The following MCAT variants were observed in gnomAD, a reference collection of about 807,000 sequenced individuals.
MCAT encodes malonyl-CoA-acyl carrier protein transacylase, mitochondrial.
Under a neutral mutation model 22.9 loss-of-function variants are expected in MCAT, and 22 were observed. The ratio of observed to expected loss-of-function variants is 0.96; its 90% confidence interval spans 0.69 to 1.37. The LOEUF is 1.37. Among genes scored for constraint, MCAT ranks in the 40% most tolerant of loss-of-function variants. The probability of loss-of-function intolerance (pLI) is 0.00; values close to 1 mark genes in which losing one functional copy is unlikely to be tolerated. For synonymous variants in MCAT, 240 were observed against 233.9 expected, an observed-to-expected ratio of 1.03 and a Z score of -0.24; for missense variants, 534 against 533.6, an observed-to-expected ratio of 1.00 and a Z score of -0.01.
At position 43,133,497 on chromosome 22, in the gene MCAT, AAGG is replaced by A. The variant is rs759799688; in HGVS notation, c.730-14_730-12del. On this transcript the variant is annotated splice_polypyrimidine_tract_variant and intron_variant, in intron 3 of 3. Transcript: ENST00000290429. ...GAGAAACCGTAGAGCCTGGGGAAGG[AAGG>A]AGGTTTCAGCCGAGCAATGTCCCAG... 2.3e-5 allele frequency: 36 copies of A among 1,595,374 alleles called. No individual in the cohort carries two copies. The highest frequency in any genetic ancestry group is 1.6e-4 in the East Asian group (7 of 44,520).
At chr22:43,142,664 T>G (rs1468815105) in intron 1 of MCAT, among the ~76,000 whole-genome samples, 1 of 150,970 alleles carries the variant, frequency 6.6e-6, no homozygotes, top group Non-Finnish European at 1.5e-5. Flanking sequence ...CGGGCGCCTG[T>G]AGTCCCAGCT....
At chr22:43,140,870 G>A (rs1219648959) in intron 2 of MCAT, 3 of 372,286 alleles carry the variant, frequency 8.1e-6, no homozygotes, top group Non-Finnish European at 1.5e-5. Context: ...AATATCTACT[G>A]AACACATACT....
At chr22:43,139,580 C>CT (rs55787888) in intron 2 of MCAT, among the ~76,000 whole-genome samples, 122,624 of 142,298 alleles carry the variant, frequency 0.86, 52,930 homozygotes, top group East Asian at 0.99. Context: ...TAATTCTGCA[C>CT]TTTTTTTTTT....
At chr22:43,133,518 T>C (rs1432463420) in intron 3 of MCAT, 32 bp from the exon 4 acceptor site, 5 of 1,542,416 alleles carry the variant, frequency 3.2e-6, no homozygotes, top group Non-Finnish European at 4.4e-6. Context: ...AGCCGAGCAA[T>C]GTCCCAGAAA....
chr22:43,133,413 GC>G lies in MCAT; in HGVS notation c.802del (p.Ala268HisfsTer14), dbSNP rs1930514068. On this transcript the variant is annotated frameshift_variant, in exon 4 of 4. Coordinates refer to ENST00000290429, the MANE Select transcript of MCAT (RefSeq NM_173467.5). LOFTEE classifies it low-confidence loss of function (END_TRUNC). ...RRTRMLPVSG[A>X]FHTRLMEPAV... ...TGGCTCCATGAGGCGGGTGTGGAAT[GC>G]GCCACTAACCGGCAACATCCTGGTG... 1 of 1,614,046 alleles carries G rather than the reference GC, an allele frequency of 6.2e-7. No individual in the cohort carries two copies. Among genetic ancestry groups the G allele is most frequent in the Admixed American group, 1.7e-5 (1 of 59,990 alleles).
At chr22:43,138,893 G>A (rs1270949301) in intron 2 of MCAT, among the ~76,000 whole-genome samples, 1 of 152,196 alleles carries the variant, frequency 6.6e-6, no homozygotes, top group Non-Finnish European at 1.5e-5. Context: ...GGTCTAAGGA[G>A]CAAATCCTGA....
rs139106285 is a variant in MCAT, at chr22:43,133,103, G to A, written c.1113C>T (p.Ala371=). The A allele has an allele frequency of 1.1e-4, 174 of 1,614,046 alleles. No homozygotes were observed. Among genetic ancestry groups the A allele is most frequent in the East Asian group, 2.7e-4 (12 of 44,882 alleles). ...CNMQAWKSYS[A]VDVLQTLEHV... is the part of the protein sequence containing the mutation. The stretch of plus-strand genomic sequence containing the variant: ...GTTCGAGGGTCTGCAGCACATCCAC[G>A]GCGCTGTAGGACTTCCAGGCCTGCA... Residue 371 remains alanine, a synonymous_variant, in exon 4 of 4, where the codon GCC becomes GCT. Coordinates refer to ENST00000290429, the MANE Select transcript of MCAT (RefSeq NM_173467.5).
rs199869131 is a variant in MCAT, at chr22:43,133,132, T to C, written c.1084A>G (p.Asn362Asp). 1.7e-4 allele frequency: 272 copies of C among 1,614,178 alleles called. No homozygotes were observed. Among genetic ancestry groups the C allele is most frequent in the Non-Finnish European group, 3.1e-5 (37 of 1,180,038 alleles). ...RQLGAILKSC[N>D]MQAWKSYSAV... Reference sequence around the variant, plus strand: ...CTGTAGGACTTCCAGGCCTGCATGTTACAGCTCTTCAGGATGGCTCCCAGC... The same window carrying C: ...CTGTAGGACTTCCAGGCCTGCATGTCACAGCTCTTCAGGATGGCTCCCAGC... The change falls in exon 4 of 4, where the codon AAC becomes GAC. Residue 362 changes from asparagine to aspartate, a missense_variant. By Grantham distance (23) the Asn-to-Asp change is conservative. Coordinates refer to ENST00000290429, the MANE Select transcript of MCAT (RefSeq NM_173467.5).
rs1329345867 is a variant in MCAT at position 43,136,564 on chromosome 22, G to A, written c.729+517C>T. Among the ~76,000 whole-genome samples, 4 of 152,160 alleles carry A rather than the reference G, an allele frequency of 2.6e-5. No homozygotes were observed. The South Asian group carries it at 8.3e-4, about 32-fold the overall frequency. On this transcript the variant is annotated intron_variant, in intron 3 of 3. Transcript: ENST00000290429. ...CCTCGGCCTGGAGTCATCCATTCACGGGGCTCTTCCTTTGACGGCAGGAAC... is the reference window on the plus strand; with the variant it reads ...CCTCGGCCTGGAGTCATCCATTCACAGGGCTCTTCCTTTGACGGCAGGAAC...
chr22:43,140,964 A>G (rs1229871382), intron 2 of MCAT, 198 bp downstream of exon 2: 3 of 585,218 alleles, frequency 5.1e-6, no homozygotes, highest in Admixed American at 2.9e-5. Context: ...GATTACAAAA[A>G]TAAGGGAAAT....
In MCAT at chr22:43,132,954, A is replaced by C; in HGVS notation, c.*89T>G. On this transcript the variant is annotated 3_prime_UTR_variant, in exon 4 of 4. Transcript: ENST00000290429. ...AATCCCTTTCACTCCTCAGAGGAGGAGCCATTAGGAAGGTAGGGGGCGACA... is the reference window on the plus strand; with the variant it reads ...AATCCCTTTCACTCCTCAGAGGAGGCGCCATTAGGAAGGTAGGGGGCGACA... 8.2e-7 allele frequency: 1 copy of C among 1,215,460 alleles called. No individual in the cohort carries two copies. The highest frequency in any genetic ancestry group is 2.3e-5 in the East Asian group (1 of 42,676). 75.3% of individuals were successfully genotyped at this position (1,215,460 alleles called of 1,614,324 possible).
intron 1 of MCAT, among the ~76,000 whole-genome samples, chr22:43,141,760 C>T (rs920389278): frequency 1.3e-5 from 2 of 152,058 alleles, no homozygotes; most frequent in African/African-American, 2.4e-5. Context: ...TTAGTAGAGA[C>T]GGGGTTTCAC....
chr22:43,134,525 A>C (rs1398391864), intron 3 of MCAT, among the ~76,000 whole-genome samples: 3 of 152,268 alleles, frequency 2.0e-5, no homozygotes, highest in African/African-American at 7.2e-5. Context: ...GTTTTAGTAG[A>C]GATGGGGTTT....
Position 43,133,365 on chromosome 22 carries a change from G to A in MCAT, c.851C>T (p.Ala284Val). 3 of 1,614,208 alleles carry A rather than the reference G, an allele frequency of 1.9e-6. No homozygotes were observed. The highest frequency in any genetic ancestry group is 2.5e-6 in the Non-Finnish European group (3 of 1,180,046). ...CTTCTTAATGTCGACTGCCTTTAAA[G>A]CTTGCGTCAGGGGCTCCACGGCTGG... Reference protein sequence around the residue: ...MEPAVEPLTQALKAVDIKKPL... With the variant: ...MEPAVEPLTQVLKAVDIKKPL... Residue 284 changes from alanine (A) to valine (V), a missense_variant, in exon 4 of 4, where the codon GCT (alanine) becomes GTT (valine). Transcript: ENST00000290429.
Position 43,133,395 on chromosome 22 carries a change from A to C in MCAT, c.821T>G (p.Met274Arg), listed in dbSNP as rs1569470818. 1 of 1,614,154 alleles carries C rather than the reference A, an allele frequency of 6.2e-7. No homozygotes were observed. Among genetic ancestry groups the C allele is most frequent in the Non-Finnish European group, 8.5e-7 (1 of 1,180,020 alleles). The change falls in exon 4 of 4, where the codon ATG becomes AGG. Residue 274 changes from methionine (M) to arginine (R), a missense_variant. Met to Arg is a moderately conservative substitution (Grantham distance 91). Transcript: ENST00000290429. ...PVSGAFHTRL[M>R]EPAVEPLTQA... ...CGTCAGGGGCTCCACGGCTGGCTCC[A>C]TGAGGCGGGTGTGGAATGCGCCACT...
Position 43,141,212 on chromosome 22 carries a change from A to ACACTGAATC in MCAT, c.452_460dup (p.Gly151_Ser153dup), listed in dbSNP as rs754596811. 4 of 1,614,120 alleles carry ACACTGAATC rather than the reference A, an allele frequency of 2.5e-6. No homozygotes were observed. In the Admixed American group the frequency reaches 6.7e-5, roughly 27 times the overall value. ...AAACACTAGGGCTGCAAACTCTCCC[A>ACACTGAATC]CACTGAATCCAGCAGCAGCAACACA... On this transcript the variant is annotated inframe_insertion, in exon 2 of 4. Coordinates refer to ENST00000290429, the MANE Select transcript of MCAT (RefSeq NM_173467.5).
intron 1 of MCAT, 58 bp from the exon 2 acceptor site, chr22:43,141,307 G>C: frequency 6.9e-7 from 1 of 1,445,532 alleles, no homozygotes; most frequent in African/African-American, 1.4e-5. Flanking sequence ...CAGTTCCAGG[G>C]CTCTGTACCT....
At chr22:43,135,610 C>T (rs1930586552) in intron 3 of MCAT, among the ~76,000 whole-genome samples, 1 of 151,894 alleles carries the variant, frequency 6.6e-6, no homozygotes, top group Non-Finnish European at 1.5e-5. Context: ...CCTGCCCTGA[C>T]TGGGAAGTCC....
chr22:43,141,292 G>C, intron 1 of MCAT, 43 bp from the exon 2 acceptor site: 2 of 1,538,198 alleles, frequency 1.3e-6, no homozygotes, highest in Middle Eastern at 1.7e-4. Flanking sequence ...CTCTCCTGGG[G>C]ATCCCAGTTC....
Sources: gnomAD v4.1 joint callset for allele counts (sites outside exome capture counted in the v4.1 genomes callset) on GRCh38, gnomAD v4.1.1 for gene constraint, MANE v1.5 for transcripts, NCBI Gene and HGNC (gene_info 2026-07-23, HGNC 2026-07-21) for gene names.